Variants in PDGFRL observed in about 807,000 individuals in gnomAD.
PDGFRL encodes platelet-derived growth factor receptor-like protein.
PDGFRL carries 46 observed loss-of-function variants against 37.2 expected under a neutral mutation model. The ratio of observed to expected loss-of-function variants is 1.24; its 90% CI spans 0.98 to 1.58. The LOEUF (loss-of-function observed/expected upper bound fraction) is 1.58, where lower values mean the gene tolerates loss of function less well. PDGFRL is among the 40% of genes most tolerant of loss of function. PDGFRL has a pLI of 0.00. For missense variants in PDGFRL, 692 were observed against 467.6 expected, an observed-to-expected ratio of 1.48 and a Z score of -4.43; for synonymous variants, 251 against 184.3, an observed-to-expected ratio of 1.36 and a Z score of -2.93.
In PDGFRL at chr8:17,607,756, C is replaced by T. The variant is rs555589980; in HGVS notation, c.354-13295C>T. Reference sequence around the variant, plus strand: ...GTGTGTTAGTAGCATGATTTTTGGCCAAGTATTTGAATATAGAAGATGTAA... The same window carrying T: ...GTGTGTTAGTAGCATGATTTTTGGCTAAGTATTTGAATATAGAAGATGTAA... On this transcript the variant is annotated intron_variant, in intron 2 of 5. Coordinates refer to ENST00000251630, the MANE Select transcript of PDGFRL (RefSeq NM_001372073.1). 1.3e-4 allele frequency among the ~76,000 whole-genome samples: 19 copies of T among 151,940 alleles called. 1 individual carries two copies. The highest frequency in any genetic ancestry group is 1.5e-4 in the Non-Finnish European group (10 of 68,014).
At chr8:17,622,251 A>G (rs2129771226) in intron 3 of PDGFRL, among the ~76,000 whole-genome samples, 1 of 152,364 alleles carries the variant, frequency 6.6e-6, no homozygotes, top group Admixed American at 6.5e-5. Flanking sequence ...AGCAAGGTTC[A>G]GAAGTCAGTA....
intron 2 of PDGFRL, among the ~76,000 whole-genome samples, chr8:17,608,974 T>G (rs547939826): frequency 6.6e-6 from 1 of 152,306 alleles, no homozygotes; most frequent in Admixed American, 6.5e-5. Flanking sequence ...ATCCCAGCAC[T>G]TTGGCAGACT....
chr8:17,583,818 C>G, intron 1 of PDGFRL, among the ~76,000 whole-genome samples: 1 of 152,246 alleles, frequency 6.6e-6, no homozygotes, highest in South Asian at 2.1e-4. Flanking sequence ...CTTCTCTCTC[C>G]ATGTGATCTC....
chr8:17,604,719 A>G (rs931029828), intron 2 of PDGFRL, among the ~76,000 whole-genome samples: 11 of 152,226 alleles, frequency 7.2e-5, no homozygotes, highest in African/African-American at 2.4e-4. Context: ...CATGTACTCT[A>G]AAACTTAAAG....
chr8:17,634,210 G>T lies in PDGFRL; in HGVS notation c.936G>T (p.Gln312His), dbSNP rs753701739. 1.9e-6 allele frequency: 3 copies of T among 1,611,026 alleles called. No homozygotes were observed. Among genetic ancestry groups the T allele is most frequent in the Non-Finnish European group, 1.7e-6 (2 of 1,178,120 alleles). ...AGTTCACCTGGATCTTCCCAGGGCAGAAGGTAAGTGTTGTACCTGCATCTC... is the reference window on the plus strand; with the variant it reads ...AGTTCACCTGGATCTTCCCAGGGCATAAGGTAAGTGTTGTACCTGCATCTC... Reference protein sequence around the residue: ...EVEFTWIFPGQKDERPVTIQD... With the variant: ...EVEFTWIFPGHKDERPVTIQD... Residue 312 changes from glutamine (Q) to histidine (H), a missense_variant, in exon 5 of 6, where the codon CAG becomes CAT. By Grantham distance (24) the Gln-to-His change is conservative (BLOSUM62 0). Transcript: ENST00000251630.
intron 2 of PDGFRL, among the ~76,000 whole-genome samples, chr8:17,591,155 T>C (rs1220908446): frequency 1.3e-5 from 2 of 152,168 alleles, no homozygotes; most frequent in African/African-American, 4.8e-5. Flanking sequence ...GTGCTGGGAT[T>C]ACAGGCGTGA....
intron 2 of PDGFRL, among the ~76,000 whole-genome samples, chr8:17,600,730 G>A (rs1172871859): frequency 1.3e-5 from 2 of 151,702 alleles, no homozygotes; most frequent in African/African-American, 2.4e-5. Flanking sequence ...TTGGGCCCAG[G>A]AGTTTGAGGC....
intron 4 of PDGFRL, among the ~76,000 whole-genome samples, chr8:17,631,552 T>C (rs1357689756): frequency 6.6e-6 from 1 of 151,906 alleles, no homozygotes; most frequent in Non-Finnish European, 1.5e-5. Context: ...CCCACCACTC[T>C]TCCCCACTAG....
intron 3 of PDGFRL, among the ~76,000 whole-genome samples, chr8:17,627,129 C>T (rs955251339): frequency 2.6e-5 from 4 of 152,170 alleles, no homozygotes; most frequent in African/African-American, 4.8e-5. Flanking sequence ...TGCTTCCTGG[C>T]TGGCAGTTAC....
chr8:17,577,098 TC>T (rs1803600312), upstream of PDGFRL: 1 of 700,296 alleles, frequency 1.4e-6, no homozygotes, highest in South Asian at 2.4e-5. Context: ...AAAAAAAAAT[TC>T]CCCAACTTTT....
intron 2 of PDGFRL, 65 bp from the exon 3 acceptor site, chr8:17,620,986 T>C (rs558784534): frequency 8.0e-7 from 1 of 1,247,838 alleles, no homozygotes; most frequent in Non-Finnish European, 1.1e-6. Context: ...TGGAGCCGAG[T>C]GTGACAGCTG....
intron 1 of PDGFRL, among the ~76,000 whole-genome samples, chr8:17,583,398 G>A (rs1348801292): frequency 4.6e-5 from 7 of 152,214 alleles, no homozygotes; most frequent in African/African-American, 1.2e-4. Context: ...TGGGGAGGGC[G>A]AAGGCTTGTT....
At chr8:17,576,615 G>A (rs1449573993), upstream of PDGFRL, 1 of 543,652 alleles carries the variant, frequency 1.8e-6, no homozygotes, top group Non-Finnish European at 2.3e-6. Context: ...CCAGAGGCCC[G>A]GGTTGTCTGC....
chr8:17,590,258 T>TAAAAAAAAAAAAAAAAAAAAAAAAAA (rs1803908925), intron 2 of PDGFRL, among the ~76,000 whole-genome samples: 1 of 49,678 alleles, frequency 2.0e-5, no homozygotes, highest in Admixed American at 2.5e-4. Flanking sequence ...AAAAAAAAAT[T>TAAAAAAAAAAAAAAAAAAAAAAAAAA]GCAAATCCTA....
rs552020975 is a variant in PDGFRL at position 17,590,975 on chromosome 8, C to T, written c.353+1210C>T. Among the ~76,000 whole-genome samples, 186 of 151,766 alleles carry T rather than the reference C, an allele frequency of 1.2e-3. 1 individual carries two copies. The Middle Eastern group carries it at 0.024, about 19-fold the overall frequency. On this transcript the variant is annotated intron_variant, in intron 2 of 5. Transcript: ENST00000251630. ...TTGGCTCACTACAAGCTCCGCCTCC[C>T]GGGTTCACACCATTCTCCTGCCTCA...
At chr8:17,593,702 C>A (rs1206481483) in intron 2 of PDGFRL, among the ~76,000 whole-genome samples, 3 of 151,888 alleles carry the variant, frequency 2.0e-5, no homozygotes, top group African/African-American at 4.8e-5. Flanking sequence ...CGAGACCAGC[C>A]TGACCAACAC....
intron 1 of PDGFRL, among the ~76,000 whole-genome samples, chr8:17,581,187 G>A (rs949992826): frequency 9.2e-5 from 14 of 152,208 alleles, no homozygotes; most frequent in African/African-American, 2.2e-4. Context: ...TGAGGATGCC[G>A]TTTGAATGGA....
chr8:17,576,830 C>A (rs2517262), upstream of PDGFRL: 257,568 of 343,452 alleles, frequency 0.75, 98,537 homozygotes, highest in East Asian at 0.81. Flanking sequence ...ACAGAGCACT[C>A]AGGTTCTGCC....
intron 4 of PDGFRL, among the ~76,000 whole-genome samples, chr8:17,632,485 G>A (rs1804883695): frequency 6.6e-6 from 1 of 152,020 alleles, no homozygotes; most frequent in Admixed American, 6.6e-5. Flanking sequence ...TTACAGGCAT[G>A]CGCCACCATG....
Sources: allele counts gnomAD v4.1 joint callset (sites outside exome capture counted in the v4.1 genomes callset), GRCh38; gene constraint gnomAD v4.1.1; transcripts MANE v1.5; gene names NCBI Gene and HGNC (gene_info 2026-07-23, HGNC 2026-07-21).